HADHA: variants seen among roughly 807,000 people sequenced by gnomAD.
HADHA encodes hydroxyacyl-CoA dehydrogenase trifunctional multienzyme complex subunit alpha, also known as trifunctional enzyme subunit alpha, mitochondrial.
A neutral mutation model predicts 91.3 loss-of-function variants in HADHA; 59 were observed. The observed-to-expected ratio is 0.65, with a 90% CI of 0.52 to 0.80. HADHA has a LOEUF of 0.80. Among genes scored for constraint, HADHA ranks in the 30% least tolerant of loss-of-function variants. HADHA has a pLI of 0.00. For missense variants in HADHA, 800 were observed against 927.6 expected (o/e 0.86, Z 1.79); for synonymous variants, 320 against 338.9 (o/e 0.94, Z 0.61).
intron 9 of HADHA, among the ~76,000 whole-genome samples, chr2:26,213,712 T>C (rs1670155190): frequency 6.6e-6 from 1 of 152,228 alleles, no homozygotes; most frequent in Non-Finnish European, 1.5e-5. Context: ...TTATGCTGCC[T>C]TATATCTCTT....
Position 26,217,678 on chromosome 2 carries a change from A to G in HADHA, c.677-2503T>C, listed in dbSNP as rs372241745. 4.6e-5 allele frequency among the ~76,000 whole-genome samples: 7 copies of G among 152,292 alleles called. No homozygotes were observed. The East Asian group carries it at 1.4e-3, about 29-fold the overall frequency. ...TGCTTTGGGAGGCTGAGGTGGGAGG[A>G]TCACGTGAGCCCAGGGGTTTGAGAC... On this transcript the variant is annotated intron_variant, in intron 7 of 19. Coordinates refer to ENST00000380649, the MANE Select transcript of HADHA (RefSeq NM_000182.5).
At chr2:26,219,998 G>A (rs1045875177) in intron 7 of HADHA, among the ~76,000 whole-genome samples, 1 of 152,190 alleles carries the variant, frequency 6.6e-6, no homozygotes, top group Non-Finnish European at 1.5e-5. Context: ...CTCTTGAGGA[G>A]ACTTTCCTGT....
chr2:26,201,579 T>C (rs1669835856), intron 12 of HADHA, among the ~76,000 whole-genome samples: 1 of 152,174 alleles, frequency 6.6e-6, no homozygotes, highest in Non-Finnish European at 1.5e-5. Flanking sequence ...TGCCTCCAAA[T>C]GCCCAATTTA....
In HADHA at chr2:26,232,296, G is replaced by C; in HGVS notation, c.454-17C>G. The stretch of plus-strand genomic sequence containing the variant: ...AATGGCAACCTTTGAACAAATGAAA[G>C]AAAATTAGAATGTTAGAAAATGTAA... On this transcript the variant is annotated splice_polypyrimidine_tract_variant and intron_variant, in intron 5 of 19. Transcript: ENST00000380649. 1 of 1,576,402 alleles carries C rather than the reference G, an allele frequency of 6.3e-7. No individual in the cohort carries two copies. The highest frequency in any genetic ancestry group is 8.7e-7 in the Non-Finnish European group (1 of 1,145,806).
At chr2:26,192,476 G>A (rs773692597) in intron 17 of HADHA, 52 bp from the exon 18 acceptor site, 10 of 1,002,208 alleles carry the variant, frequency 1.0e-5, no homozygotes, top group Middle Eastern at 2.0e-4. Flanking sequence ...GGGAGGGAGT[G>A]TTACTATTTG....
chr2:26,242,127 T>C (rs1052214812), intron 1 of HADHA, among the ~76,000 whole-genome samples: 10 of 152,162 alleles, frequency 6.6e-5, no homozygotes, highest in Non-Finnish European at 1.3e-4. Context: ...AGACCTCAAG[T>C]GATCTGCCCG....
intron 3 of HADHA, among the ~76,000 whole-genome samples, chr2:26,238,290 C>T (rs573190546): frequency 3.9e-5 from 6 of 152,222 alleles, no homozygotes; most frequent in Middle Eastern, 3.4e-3. Flanking sequence ...AGGTGTGAGC[C>T]ACAGTGCCCA....
chr2:26,201,444 A>T (rs1258785951), intron 12 of HADHA, 124 bp from the exon 13 acceptor site: 5 of 670,298 alleles, frequency 7.5e-6, no homozygotes, highest in African/African-American at 1.8e-5. Context: ...TATTACTCCC[A>T]TTTTGAGGGA....
intron 7 of HADHA, among the ~76,000 whole-genome samples, chr2:26,227,176 A>G (rs1053556222): frequency 2.6e-5 from 4 of 152,212 alleles, no homozygotes; most frequent in East Asian, 1.9e-4. Context: ...CAGATATTCA[A>G]TATCTTTGGT....
At chr2:26,215,861 T>C (rs1201786338) in intron 7 of HADHA, among the ~76,000 whole-genome samples, 4 of 152,222 alleles carry the variant, frequency 2.6e-5, no homozygotes, top group Admixed American at 6.5e-5. Context: ...CATAGTATCA[T>C]GATGTTTAAT....
chr2:26,225,352 C>T (rs1042284528), intron 7 of HADHA, among the ~76,000 whole-genome samples: 27 of 150,136 alleles, frequency 1.8e-4, no homozygotes, highest in African/African-American at 6.1e-4. Flanking sequence ...CCCAAGATCT[C>T]GCCACTGCAC....
intron 7 of HADHA, among the ~76,000 whole-genome samples, chr2:26,224,077 A>G (rs1283956899): frequency 6.6e-6 from 1 of 152,166 alleles, no homozygotes; most frequent in Non-Finnish European, 1.5e-5. Flanking sequence ...CACTTCTCCC[A>G]GTCTACTCCA....
At chr2:26,196,732 G>A in intron 14 of HADHA, among the ~76,000 whole-genome samples, 1 of 152,220 alleles carries the variant, frequency 6.6e-6, no homozygotes, top group East Asian at 1.9e-4. Flanking sequence ...AAAGTGTGAT[G>A]CTTGCTCTGC....
Position 26,214,583 on chromosome 2 carries a change from G to A in HADHA, c.800-22C>T, listed in dbSNP as rs1670175004. On this transcript the variant is annotated intron_variant, in intron 8 of 19. Coordinates refer to ENST00000380649, the MANE Select transcript of HADHA (RefSeq NM_000182.5). The surrounding 1 kb of genome is among the most constrained non-coding windows in gnomAD (Gnocchi z 4.1). Reference sequence around the variant, plus strand: ...AATTCTGTAAAATAAAATGCTTTTAGATATTTACTATAAAGAGCCTAGATT... The same window carrying A: ...AATTCTGTAAAATAAAATGCTTTTAAATATTTACTATAAAGAGCCTAGATT... 8.2e-7 allele frequency: 1 copy of A among 1,222,910 alleles called. No homozygotes were observed. The highest frequency in any genetic ancestry group is 1.2e-6 in the Non-Finnish European group (1 of 823,030). 75.8% of individuals were successfully genotyped at this position (1,222,910 alleles called of 1,614,324 possible).
chr2:26,213,272 G>A (rs1267404990), intron 9 of HADHA, among the ~76,000 whole-genome samples: 1 of 152,044 alleles, frequency 6.6e-6, no homozygotes, highest in East Asian at 1.9e-4. Flanking sequence ...CTATCTCAGG[G>A]CCTTATTCAA....
At chr2:26,218,800 G>T (rs751638131) in intron 7 of HADHA, among the ~76,000 whole-genome samples, 1 of 151,886 alleles carries the variant, frequency 6.6e-6, no homozygotes, top group Non-Finnish European at 1.5e-5. Flanking sequence ...TTGAAGACAG[G>T]AGTTTGAGAC....
intron 13 of HADHA, 67 bp downstream of exon 13, chr2:26,201,082 T>TAA: frequency 2.6e-6 from 3 of 1,152,616 alleles, no homozygotes; most frequent in Non-Finnish European, 3.8e-6. Flanking sequence ...ATAGCTCCTT[T>TAA]AAAAAAAAAA....
At chr2:26,209,665 A>G in intron 11 of HADHA, 115 bp downstream of exon 11, 1 of 750,418 alleles carries the variant, frequency 1.3e-6, no homozygotes, top group South Asian at 1.4e-5. Context: ...TCAGGAAAGA[A>G]GTTGAGGGCA....
At chr2:26,230,328 A>C in intron 6 of HADHA, 34 bp from the exon 7 acceptor site, 2 of 1,215,010 alleles carry the variant, frequency 1.6e-6, no homozygotes, top group Non-Finnish European at 1.2e-6. Context: ...ATATAGGGGG[A>C]AAAAAATCAG....
Sources: allele counts gnomAD v4.1 joint callset (sites outside exome capture counted in the v4.1 genomes callset), GRCh38; gene constraint gnomAD v4.1.1; non-coding constraint Gnocchi (gnomAD v3.1); transcripts MANE v1.5; gene names NCBI Gene and HGNC (gene_info 2026-07-23, HGNC 2026-07-21).